Variants in LSP1 observed in about 807,000 individuals in gnomAD.
LSP1 encodes lymphocyte specific protein 1.
A neutral mutation model predicts 49.3 loss-of-function variants in LSP1; 32 were observed. The observed-to-expected ratio is 0.65, with a 90% CI of 0.49 to 0.87. LSP1 has a LOEUF of 0.87. LSP1 is among the 40% of genes least tolerant of loss of function. The pLI, the probability that LSP1 is intolerant of heterozygous loss-of-function variation, is 0.00. For synonymous variants in LSP1, 179 were observed against 178.8 expected (o/e 1.00, Z -0.01); for missense variants, 428 against 442.6 (o/e 0.97, Z 0.30).
At position 1,881,125 on chromosome 11, in the gene LSP1, G is replaced by A. The variant is rs570454985; in HGVS notation, c.192-307G>A. ...CCTCAGGGAGCCCCAAACTGATGAG[G>A]GAGGCATAGCCCTGCCCTCAGGTAG... On this transcript the variant is annotated intron_variant, in intron 2 of 10. Transcript: ENST00000311604. 8 of 311,260 alleles carry A rather than the reference G, an allele frequency of 2.6e-5. No individual in the cohort carries two copies. The East Asian group carries it at 4.2e-4, about 16-fold the overall frequency. The allele number at this position is 311,260 out of a possible 1,614,324, so 19.3% of individuals were successfully genotyped here. A position where few individuals can be genotyped will look rare whatever the true frequency, so the allele number is the denominator to read the frequency against.
At chr11:1,860,974 G>T (rs1399835088) in intron 1 of LSP1, among the ~76,000 whole-genome samples, 1 of 152,180 alleles carries the variant, frequency 6.6e-6, no homozygotes, top group African/African-American at 2.4e-5. Context: ...GGATACGTGG[G>T]TGGATATAAC....
intron 1 of LSP1, chr11:1,866,891 C>T: frequency 6.6e-7 from 1 of 1,524,222 alleles, no homozygotes; most frequent in Non-Finnish European, 8.8e-7. Flanking sequence ...CCAGCGGGCC[C>T]AGCACCAACT....
At chr11:1,877,090 G>A (rs1396547384) in intron 1 of LSP1, among the ~76,000 whole-genome samples, 1 of 152,210 alleles carries the variant, frequency 6.6e-6, no homozygotes, top group African/African-American at 2.4e-5. Context: ...GGGCGGGGTC[G>A]GCCATCCCAG....
intron 1 of LSP1, chr11:1,863,205 T>C (rs1469660555): frequency 6.6e-6 from 1 of 152,412 alleles, no homozygotes; most frequent in Admixed American, 6.5e-5. Context: ...ACCCCCGGCG[T>C]GCTGCCCTCC....
At chr11:1,874,728 G>C (rs1248041047) in intron 1 of LSP1, among the ~76,000 whole-genome samples, 2 of 152,152 alleles carry the variant, frequency 1.3e-5, no homozygotes, top group African/African-American at 4.8e-5. Context: ...AGTGAGAACC[G>C]GCAGGGGAGG....
intron 1 of LSP1, chr11:1,866,679 C>T (rs1250264665): frequency 6.4e-7 from 1 of 1,550,440 alleles, no homozygotes; most frequent in Non-Finnish European, 8.7e-7. Flanking sequence ...ATGTGTTTTC[C>T]CAGGGGACGC....
intron 1 of LSP1, chr11:1,876,376 T>C: frequency 1.1e-6 from 1 of 903,218 alleles, no homozygotes; most frequent in Non-Finnish European, 1.3e-6. Flanking sequence ...TCCCCAGGCC[T>C]CCTGCCAGCT....
chr11:1,883,676 C>T (rs1589829586), intron 4 of LSP1, 116 bp downstream of exon 4: 1 of 1,320,914 alleles, frequency 7.6e-7, no homozygotes, highest in East Asian at 2.5e-5. Context: ...GGTCAGCACC[C>T]CACACCCCTA....
chr11:1,884,597 C>G lies in LSP1; in HGVS notation c.717+16C>G. 1.2e-6 allele frequency: 2 copies of G among 1,608,996 alleles called. No homozygotes were observed. Among genetic ancestry groups the G allele is most frequent in the Non-Finnish European group, 1.7e-6 (2 of 1,175,586 alleles). On this transcript the variant is annotated intron_variant, in intron 7 of 10. Transcript: ENST00000311604. This position sits in a 1 kb window ranked among gnomAD's most constrained non-coding sequence, Gnocchi z 4.1. Reference sequence around the variant, plus strand: ...GGCCATCGAGGTATGACCTGGCTCCCCTCTGCTGTCAGGTCCCTCCTGCAT... The same window carrying G: ...GGCCATCGAGGTATGACCTGGCTCCGCTCTGCTGTCAGGTCCCTCCTGCAT...
chr11:1,883,035 G>A (rs1465314297), intron 3 of LSP1, among the ~76,000 whole-genome samples: 1 of 152,232 alleles, frequency 6.6e-6, no homozygotes, highest in Non-Finnish European at 1.5e-5. Context: ...CAGGAGTGGT[G>A]GCCCCAGCAG....
intron 1 of LSP1, chr11:1,871,144 G>T: frequency 1.0e-6 from 1 of 985,586 alleles, no homozygotes; most frequent in African/African-American, 1.7e-5. Flanking sequence ...GGGCTCGGCA[G>T]CGTTGTGGTT....
In LSP1 at chr11:1,882,430, T is replaced by A. The variant is rs540312187; in HGVS notation, c.356+834T>A. ...AGTGTTGCTGAGCGACGCTCCCTTG[T>A]CCTCCTACAACCAGGCTCCCACTCC... On this transcript the variant is annotated intron_variant, in intron 3 of 10. Coordinates refer to ENST00000311604, the MANE Select transcript of LSP1 (RefSeq NM_002339.3). Among the ~76,000 whole-genome samples the A allele has an allele frequency of 2.6e-5, 4 of 152,218 alleles. No homozygotes were observed. In the South Asian group the frequency reaches 6.2e-4, roughly 24 times the overall value.
chr11:1,866,288 G>A (rs72843943), intron 1 of LSP1, among the ~76,000 whole-genome samples: 20,361 of 152,232 alleles, frequency 0.13, 1,803 homozygotes, highest in Middle Eastern at 0.25. Flanking sequence ...CTACTGGAAG[G>A]CAGGGCTGGC....
rs1433576692 is a variant in LSP1 at position 1,884,282 on chromosome 11, C to G, written c.594C>G (p.Leu198=). 6.2e-7 allele frequency: 1 copy of G among 1,614,058 alleles called. No individual in the cohort carries two copies. ...GTGTCTCTCTCCACCCTCTGCAGCT[C>G]ATCGACAGGACCGAGTCCCTAAACC... The part of the protein sequence containing the change: ...SSPPLSPTTK[L]IDRTESLNRS... The change falls in exon 6 of 11, where the codon CTC becomes CTG. Residue 198 remains leucine, a splice_region_variant and synonymous_variant. Transcript: ENST00000311604. This position sits in a 1 kb window ranked among gnomAD's most constrained non-coding sequence, Gnocchi z 4.1.
At chr11:1,865,986 T>C (rs612652) in intron 1 of LSP1, among the ~76,000 whole-genome samples, 84,876 of 151,744 alleles carry the variant, frequency 0.56, 24,595 homozygotes, top group East Asian at 0.78. Context: ...AGCCTGTTTC[T>C]TCCTCTGTAA....
chr11:1,862,081 G>A (rs575274348), intron 1 of LSP1, among the ~76,000 whole-genome samples: 1 of 152,024 alleles, frequency 6.6e-6, no homozygotes, highest in African/African-American at 2.4e-5. Context: ...ATGGACGGAT[G>A]CATGGATGAG....
chr11:1,855,044 G>C (rs770654806), intron 1 of LSP1, among the ~76,000 whole-genome samples: 1 of 152,202 alleles, frequency 6.6e-6, no homozygotes, highest in Non-Finnish European at 1.5e-5. Flanking sequence ...GCTGTCAGGC[G>C]CTCCAGCTGG....
intron 1 of LSP1, among the ~76,000 whole-genome samples, chr11:1,855,403 G>A (rs887213179): frequency 5.3e-5 from 8 of 152,146 alleles, no homozygotes; most frequent in Non-Finnish European, 8.8e-5. Context: ...AGCCTGTGAC[G>A]GTCTCAGGAC....
intron 1 of LSP1, among the ~76,000 whole-genome samples, chr11:1,872,620 C>T (rs1250878496): frequency 1.4e-5 from 2 of 144,512 alleles, no homozygotes; most frequent in Non-Finnish European, 3.0e-5. Context: ...TGCAGTCACC[C>T]CGGTGCACGC....
Sources: allele counts gnomAD v4.1 joint callset (sites outside exome capture counted in the v4.1 genomes callset), GRCh38; gene constraint gnomAD v4.1.1; non-coding constraint Gnocchi (gnomAD v3.1); transcripts MANE v1.5; gene names NCBI Gene and HGNC (gene_info 2026-07-23, HGNC 2026-07-21).